SECISBP2L: variants seen among roughly 807,000 people sequenced by gnomAD.
The protein encoded by SECISBP2L is selenocysteine insertion sequence-binding protein 2-like.
A neutral mutation model predicts 114.7 loss-of-function variants in SECISBP2L; 43 were observed. The observed-to-expected ratio is 0.38, with a 90% confidence interval of 0.29 to 0.48. SECISBP2L has a LOEUF of 0.48. SECISBP2L is among the 20% of genes least tolerant of loss of function. The probability of loss-of-function intolerance (pLI) is 0.98; values close to 1 mark genes in which losing one functional copy is unlikely to be tolerated. For missense variants in SECISBP2L, 1,136 were observed against 1,301.1 expected (o/e 0.87, Z 1.95); for synonymous variants, 451 against 439.7 (o/e 1.03, Z -0.32).
chr15:49,027,134 A>G (rs1253825946), intron 7 of SECISBP2L, among the ~76,000 whole-genome samples: 1 of 152,240 alleles, frequency 6.6e-6, no homozygotes, highest in Non-Finnish European at 1.5e-5. Flanking sequence ...AACATATAAA[A>G]TATTTAAATA....
At position 48,991,052 on chromosome 15, in the gene SECISBP2L, A is replaced by G. The variant is rs993207396; in HGVS notation, c.*1192T>C. ...TCCTAGAGAAGGGCAGAGATAAATA[A>G]TAGTGAATAGAGAATTAATACCTAC... On this transcript the variant is annotated 3_prime_UTR_variant, in exon 18 of 18. Coordinates refer to ENST00000559471, the MANE Select transcript of SECISBP2L (RefSeq NM_001193489.2). The G allele has an allele frequency of 2.0e-5, 3 of 152,220 alleles. No individual in the cohort carries two copies. Among genetic ancestry groups the G allele is most frequent in the Non-Finnish European group, 4.4e-5 (3 of 68,044 alleles). The allele number at this position is 152,220 out of a possible 1,614,324, so 9.4% of individuals were successfully genotyped here. A position where few individuals can be genotyped will look rare whatever the true frequency, so the allele number is the denominator to read the frequency against.
intron 14 of SECISBP2L, among the ~76,000 whole-genome samples, chr15:49,006,392 C>T (rs558924846): frequency 7.8e-4 from 119 of 152,300 alleles, no homozygotes; most frequent in African/African-American, 2.8e-3. Flanking sequence ...ACCAATCTAA[C>T]GTAGGTTTGG....
intron 1 of SECISBP2L, among the ~76,000 whole-genome samples, chr15:49,040,872 A>G (rs1000349230): frequency 6.6e-6 from 1 of 152,074 alleles, no homozygotes; most frequent in Non-Finnish European, 1.5e-5. Flanking sequence ...CACATAATAA[A>G]GCCCATAACA....
intron 13 of SECISBP2L, 135 bp downstream of exon 13, chr15:49,011,596 T>A: frequency 9.5e-7 from 1 of 1,052,848 alleles, no homozygotes; most frequent in South Asian, 1.8e-5. Context: ...AAGAAACCAC[T>A]CTGAAGAATA....
chr15:49,000,011 C>A (rs370601734), intron 15 of SECISBP2L, 24 bp from the exon 16 acceptor site: 2 of 1,610,830 alleles, frequency 1.2e-6, no homozygotes, highest in Non-Finnish European at 1.7e-6. Context: ...CACATGCAGA[C>A]GCCTTTAGTT....
rs575902579 is a variant in SECISBP2L, at chr15:48,992,985, C to T, written c.2624-59G>A. 1.4e-4 allele frequency: 195 copies of T among 1,380,204 alleles called. 1 individual carries two copies. Among genetic ancestry groups the T allele is most frequent in the Non-Finnish European group, 1.7e-4 (169 of 1,006,016 alleles). The allele number at this position is 1,380,204 out of a possible 1,614,324, so 85.5% of individuals were successfully genotyped here. On this transcript the variant is annotated intron_variant, in intron 17 of 17. Transcript: ENST00000559471. The stretch of plus-strand genomic sequence containing the variant: ...AACACTGTTTCAAAATCATGCAACT[C>T]TTTAAAAACCCCCAAAAAAGAAAGA...
chr15:48,992,247 C>T lies in SECISBP2L; in HGVS notation c.3303G>A (p.Thr1101=), dbSNP rs1221220565. The T allele has an allele frequency of 1.4e-5, 22 of 1,595,172 alleles. No individual in the cohort carries two copies. Among genetic ancestry groups the T allele is most frequent in the Non-Finnish European group, 1.8e-5 (21 of 1,170,026 alleles). ...TAGAGAGCCGACATTTCCTGAGTTA[C>T]GTAGTTTGCGTTGTGTAATTAGAAT... The part of the protein sequence containing the change: ...HSDSNYTTQT[T] The change falls in exon 18 of 18, where the codon ACG becomes ACA. Residue 1101 remains threonine, a synonymous_variant. Transcript: ENST00000559471.
intron 14 of SECISBP2L, among the ~76,000 whole-genome samples, chr15:49,006,683 T>C (rs559756309): frequency 3.0e-4 from 45 of 152,186 alleles, no homozygotes; most frequent in Middle Eastern, 6.8e-3. Flanking sequence ...CTTCCCTGCA[T>C]TGAATTAGAA....
At chr15:49,003,906 T>C (rs1181890035) in intron 14 of SECISBP2L, among the ~76,000 whole-genome samples, 1 of 152,198 alleles carries the variant, frequency 6.6e-6, no homozygotes, top group African/African-American at 2.4e-5. Context: ...TTTTCTTTTT[T>C]TGTTGTGTCT....
chr15:49,015,263 A>G (rs1312018768), intron 11 of SECISBP2L, among the ~76,000 whole-genome samples: 1 of 151,834 alleles, frequency 6.6e-6, no homozygotes, highest in Non-Finnish European at 1.5e-5. Context: ...GCTAACTCTC[A>G]GTTTTATTCC....
At chr15:48,995,515 G>T (rs568963842) in intron 17 of SECISBP2L, among the ~76,000 whole-genome samples, 1 of 152,054 alleles carries the variant, frequency 6.6e-6, no homozygotes, top group South Asian at 2.1e-4. Flanking sequence ...TTAAATTTTA[G>T]GTGGCAACAA....
chr15:49,036,658 G>T (rs1903014719), intron 2 of SECISBP2L, among the ~76,000 whole-genome samples: 1 of 152,192 alleles, frequency 6.6e-6, no homozygotes, highest in African/African-American at 2.4e-5. Flanking sequence ...AATTGAAAAT[G>T]ATTCCTTAGT....
chr15:49,032,729 C>T (rs1324330314), intron 4 of SECISBP2L, among the ~76,000 whole-genome samples: 2 of 152,154 alleles, frequency 1.3e-5, no homozygotes, highest in Non-Finnish European at 2.9e-5. Context: ...TCCATTATTA[C>T]AAAAGGAAAG....
chr15:49,033,521 A>G (rs113147742), intron 3 of SECISBP2L, among the ~76,000 whole-genome samples: 2,206 of 152,266 alleles, frequency 0.014, 19 homozygotes, highest in Non-Finnish European at 0.023. Context: ...TTTCTGCTTC[A>G]GAGTTCAAAA....
chr15:49,001,211 GAA>G (rs1902200936), intron 14 of SECISBP2L, 114 bp from the exon 15 acceptor site: 2 of 682,636 alleles, frequency 2.9e-6, no homozygotes, highest in East Asian at 2.8e-5. Context: ...AAGTTTTCAT[GAA>G]AAGTCTCTTA....
intron 16 of SECISBP2L, among the ~76,000 whole-genome samples, chr15:48,997,203 T>C (rs1215591603): frequency 6.6e-6 from 1 of 152,136 alleles, no homozygotes; most frequent in Non-Finnish European, 1.5e-5. Flanking sequence ...ATAAGGCTTG[T>C]TAGGGGAGCA....
At position 48,996,460 on chromosome 15, in the gene SECISBP2L, T is replaced by A. The variant is rs757071804; in HGVS notation, c.2530A>T (p.Met844Leu). 1.4e-5 allele frequency: 22 copies of A among 1,614,024 alleles called. No individual in the cohort carries two copies. The highest frequency in any genetic ancestry group is 8.5e-7 in the Non-Finnish European group (1 of 1,180,016). ...GCAGAGGGATTCCGAGAATGTCCCATGTGGTGTGGTACCTTCTTCACATTC... is the reference window on the plus strand; with the variant it reads ...GCAGAGGGATTCCGAGAATGTCCCAAGTGGTGTGGTACCTTCTTCACATTC... ...LKNVKKVPHH[M>L]GHSRNPSAAS... Residue 844 changes from methionine (M) to leucine (L), a missense_variant, in exon 17 of 18, where the codon ATG becomes TTG. Met to Leu is a conservative substitution (Grantham distance 15, BLOSUM62 2). Around this residue, in one of 2 missense-constraint regions of SECISBP2L, gnomAD observed 684 missense variants for 848.7 expected, o/e 0.81. Transcript: ENST00000559471.
At chr15:49,011,617 T>C in intron 13 of SECISBP2L, 114 bp downstream of exon 13, 2 of 1,221,758 alleles carry the variant, frequency 1.6e-6, no homozygotes, top group South Asian at 3.1e-5. Flanking sequence ...AAGAGATTTA[T>C]GTAAAATATG....
chr15:49,028,888 TCA>T (rs1402436642), intron 4 of SECISBP2L, among the ~76,000 whole-genome samples: 1 of 152,198 alleles, frequency 6.6e-6, no homozygotes, highest in Admixed American at 6.5e-5. Flanking sequence ...AGGCAAGGTC[TCA>T]GTCTGTTTCG....
Sources: gnomAD v4.1 joint callset for allele counts (sites outside exome capture counted in the v4.1 genomes callset) on GRCh38, gnomAD v4.1.1 for gene constraint, gnomAD v4.1.1 regional missense constraint, MANE v1.5 for transcripts, NCBI Gene and HGNC (gene_info 2026-07-23, HGNC 2026-07-21) for gene names.